Variants in CCL25 observed in about 807,000 individuals in gnomAD.
The protein encoded by CCL25 is C-C motif chemokine ligand 25, also known as C-C motif chemokine 25.
A neutral mutation model predicts 19.9 loss-of-function variants in CCL25; 14 were observed. That is an observed-to-expected ratio of 0.70 (90% CI 0.47 to 1.10). CCL25 has a LOEUF of 1.10. Among genes scored for constraint, CCL25 ranks in the 50% least tolerant of loss-of-function variants. The pLI, the probability that CCL25 is intolerant of heterozygous loss-of-function variation, is 0.00. For synonymous variants in CCL25, 68 were observed against 73.2 expected (o/e 0.93, Z 0.36); for missense variants, 151 against 181.2 (o/e 0.83, Z 0.96).
chr19:8,056,650 C>G (rs1308188146), intron 4 of CCL25, 151 bp downstream of exon 4: 2 of 840,416 alleles, frequency 2.4e-6, no homozygotes, highest in Non-Finnish European at 3.7e-6. Context: ...GAGTGGGGCA[C>G]CAAGTGAATG....
chr19:8,054,108 C>T (rs1300746471), intron 2 of CCL25, among the ~76,000 whole-genome samples: 1 of 152,230 alleles, frequency 6.6e-6, no homozygotes, highest in Non-Finnish European at 1.5e-5. Flanking sequence ...CCACGGGAGC[C>T]CTGACACTGG....
At chr19:8,057,249 A>C (rs778696007) in intron 4 of CCL25, among the ~76,000 whole-genome samples, 20 of 152,086 alleles carry the variant, frequency 1.3e-4, no homozygotes, top group Non-Finnish European at 1.8e-4. Flanking sequence ...CGAACTCCTG[A>C]CCTCAGATGA....
intron 4 of CCL25, among the ~76,000 whole-genome samples, chr19:8,056,720 C>A (rs1481843817): frequency 2.0e-5 from 3 of 152,218 alleles, no homozygotes; most frequent in Admixed American, 6.5e-5. Flanking sequence ...TGCTCTGTTG[C>A]CCAGGCTGGA....
rs942251846 is a variant in CCL25 at position 8,062,571 on chromosome 19, C to T, written c.*346C>T. ...TGTGTCCCTCTGGGTCCCTCCAAAA[C>T]TCTGGTCAGTTCAAGGATGCCCCTC... On this transcript the variant is annotated 3_prime_UTR_variant, in exon 6 of 6. Transcript: ENST00000315626. The T allele has an allele frequency of 3.1e-6, 1 of 325,714 alleles. No individual in the cohort carries two copies. The highest frequency in any genetic ancestry group is 4.4e-5 in the Admixed American group (1 of 22,648). The allele number at this position is 325,714 out of a possible 1,614,324, so 20.2% of individuals were successfully genotyped here.
chr19:8,053,876 C>T (rs544098654), intron 2 of CCL25, among the ~76,000 whole-genome samples: 1 of 152,274 alleles, frequency 6.6e-6, no homozygotes, highest in South Asian at 2.1e-4. Flanking sequence ...CCTCCGTTTC[C>T]TCAGCTGCAA....
rs1429398373 is a variant in CCL25 at position 8,055,126 on chromosome 19, T to TA, written c.74-1021dup. On this transcript the variant is annotated intron_variant, in intron 2 of 5. Transcript: ENST00000315626. ...CAACATGGTGAAACCCCGTCTCTAC[T>TA]AAAAATACAAAAATTAGCTGGTCGT... 1.6e-4 allele frequency among the ~76,000 whole-genome samples: 24 copies of TA among 148,732 alleles called. No individual in the cohort carries two copies. In the South Asian group the frequency reaches 5.4e-3, roughly 33 times the overall value.
chr19:8,057,631 C>T (rs1368860088), intron 4 of CCL25, among the ~76,000 whole-genome samples, 170 bp from the exon 5 acceptor site: 1 of 152,208 alleles, frequency 6.6e-6, no homozygotes, highest in Non-Finnish European at 1.5e-5. Flanking sequence ...TGCACCCAGC[C>T]AGTCCAGCTC....
chr19:8,062,311 C>A lies in CCL25; in HGVS notation c.*86C>A. 6.9e-7 allele frequency: 1 copy of A among 1,457,144 alleles called. No individual in the cohort carries two copies. The highest frequency in any genetic ancestry group is 9.6e-7 in the Non-Finnish European group (1 of 1,039,162). The allele number at this position is 1,457,144 out of a possible 1,614,324, so 90.3% of individuals were successfully genotyped here. On this transcript the variant is annotated 3_prime_UTR_variant, in exon 6 of 6. Coordinates refer to ENST00000315626, the MANE Select transcript of CCL25 (RefSeq NM_005624.4). ...GTCGCCCTACAGACCCAGCTGTCCCCACGCCTCTGTCTTTTGGGTCAAGTC... is the reference window on the plus strand; with the variant it reads ...GTCGCCCTACAGACCCAGCTGTCCCAACGCCTCTGTCTTTTGGGTCAAGTC...
intron 5 of CCL25, among the ~76,000 whole-genome samples, 172 bp from the exon 6 acceptor site, chr19:8,062,046 C>CAAA (rs34907151): frequency 3.5e-4 from 21 of 60,318 alleles, no homozygotes; most frequent in Admixed American, 7.9e-4. Flanking sequence ...GAGACTGTCT[C>CAAA]AAAAAAAAAA....
At chr19:8,054,676 C>G (rs565038485) in intron 2 of CCL25, among the ~76,000 whole-genome samples, 44 of 152,070 alleles carry the variant, frequency 2.9e-4, no homozygotes, top group African/African-American at 1.0e-3. Context: ...CTCCTCTGGG[C>G]ACCCCCCACA....
In CCL25 at chr19:8,057,689, A is replaced by G. The variant is rs1340614374; in HGVS notation, c.326-112A>G. ...TGGTACAGATGGAAAGCTCAAGCAC[A>G]TGGGAGACTCATTGGCTTAAATAAC... On this transcript the variant is annotated intron_variant, in intron 4 of 5. Coordinates refer to ENST00000315626, the MANE Select transcript of CCL25 (RefSeq NM_005624.4). The G allele has an allele frequency of 7.0e-6, 10 of 1,430,922 alleles. No homozygotes were observed. In the Admixed American group the frequency reaches 2.4e-4, roughly 34 times the overall value. 88.6% of individuals were successfully genotyped at this position (1,430,922 alleles called of 1,614,324 possible).
In CCL25 at chr19:8,053,122, G is replaced by A; in HGVS notation, c.73G>A (p.Gly25Ser). 1 of 1,552,058 alleles carries A rather than the reference G, an allele frequency of 6.4e-7. No individual in the cohort carries two copies. Among genetic ancestry groups the A allele is most frequent in the Non-Finnish European group, 8.7e-7 (1 of 1,146,986 alleles). The change falls in exon 2 of 6, where the codon GGT (glycine) becomes AGT (serine). Residue 25 changes from glycine to serine, a missense_variant and splice_region_variant. By Grantham distance (56) the Gly-to-Ser change is moderately conservative. Coordinates refer to ENST00000315626, the MANE Select transcript of CCL25 (RefSeq NM_005624.4). Reference sequence around the variant, plus strand: ...CTGGGCCCCCGCTGTCCACACCCAAGGTACTGTGTTCGGCAATGCCTACCA... The same window carrying A: ...CTGGGCCCCCGCTGTCCACACCCAAAGTACTGTGTTCGGCAATGCCTACCA... The part of the protein sequence containing the change: ...GAWAPAVHTQ[G>S]VFEDCCLAYH...
intron 5 of CCL25, among the ~76,000 whole-genome samples, chr19:8,060,808 G>A (rs2081312724): frequency 6.6e-6 from 1 of 151,668 alleles, no homozygotes; most frequent in African/African-American, 2.4e-5. Context: ...AGCCTCTGGA[G>A]TAGCTGGGAC....
chr19:8,057,349 G>T (rs1023590041), intron 4 of CCL25, among the ~76,000 whole-genome samples: 1 of 141,306 alleles, frequency 7.1e-6, no homozygotes, highest in Non-Finnish European at 1.5e-5. Context: ...ATTATTTTGA[G>T]ACAGGGTTTT....
Position 8,056,357 on chromosome 19 carries a change from T to C in CCL25, c.192-9T>C. 1 of 1,613,022 alleles carries C rather than the reference T, an allele frequency of 6.2e-7. No individual in the cohort carries two copies. The highest frequency in any genetic ancestry group is 8.5e-7 in the Non-Finnish European group (1 of 1,179,616). ...CCCTAACCTGGGCACCCCCCTCTGC[T>C]CACCACAGATTCTACCTCCCCAAGA... is the stretch of plus-strand genomic sequence containing the variant. On this transcript the variant is annotated splice_polypyrimidine_tract_variant and intron_variant, in intron 3 of 5. Coordinates refer to ENST00000315626, the MANE Select transcript of CCL25 (RefSeq NM_005624.4).
At chr19:8,059,334 G>A (rs1365721083) in intron 5 of CCL25, among the ~76,000 whole-genome samples, 1 of 150,422 alleles carries the variant, frequency 6.6e-6, no homozygotes, top group African/African-American at 2.4e-5. Context: ...AAGTAGCTGG[G>A]ATTACAGGCA....
chr19:8,058,417 TA>T (rs2081289176), intron 5 of CCL25, among the ~76,000 whole-genome samples: 1 of 118,794 alleles, frequency 8.4e-6, no homozygotes, highest in African/African-American at 3.4e-5. Flanking sequence ...TAAATATATA[TA>T]ATATATAAGT....
rs370688698 is a variant in CCL25 at position 8,056,135 on chromosome 19, C to G, written c.74-17C>G. On this transcript the variant is annotated splice_polypyrimidine_tract_variant and intron_variant, in intron 2 of 5. Transcript: ENST00000315626. Reference sequence around the variant, plus strand: ...ACATGCAAGGGTGCGAGTATCTGGGCGGCTGTGTGGTTGCAGGTGTCTTTG... The same window carrying G: ...ACATGCAAGGGTGCGAGTATCTGGGGGGCTGTGTGGTTGCAGGTGTCTTTG... 2.0e-6 allele frequency: 3 copies of G among 1,494,936 alleles called. No homozygotes were observed. Among genetic ancestry groups the G allele is most frequent in the Admixed American group, 4.3e-5 (2 of 46,464 alleles). 92.6% of individuals were successfully genotyped at this position (1,494,936 alleles called of 1,614,324 possible).
chr19:8,053,547 A>ATTT lies in CCL25; in HGVS notation c.73+442_73+444dup, dbSNP rs57912076. Reference sequence around the variant, plus strand: ...GCTGAGAGTTAGTTGCTCCTAAACCATTTTTTTTTTTTTTTTTTTGAGACA... The same window carrying ATTT: ...GCTGAGAGTTAGTTGCTCCTAAACCATTTTTTTTTTTTTTTTTTTTTTGAGACA... On this transcript the variant is annotated intron_variant, in intron 2 of 5. Coordinates refer to ENST00000315626, the MANE Select transcript of CCL25 (RefSeq NM_005624.4). Among the ~76,000 whole-genome samples the ATTT allele has an allele frequency of 7.4e-4, 89 of 120,654 alleles. 2 individuals carry two copies. The highest frequency in any genetic ancestry group is 1.3e-3 in the African/African-American group (41 of 31,696). The allele number at this position is 120,654 out of a possible 152,430, so 79.2% of individuals were successfully genotyped here.
Sources: gnomAD v4.1 joint callset for allele counts (sites outside exome capture counted in the v4.1 genomes callset) on GRCh38, gnomAD v4.1.1 for gene constraint, MANE v1.5 for transcripts, NCBI Gene and HGNC (gene_info 2026-07-23, HGNC 2026-07-21) for gene names.